The following RHOA variants were observed in gnomAD, a reference collection of about 807,000 sequenced individuals.
The protein encoded by RHOA is transforming protein RhoA.
In RHOA, 3 loss-of-function variants were observed where a neutral mutation model predicts 17.5. The observed-to-expected ratio is 0.17, with a 90% CI of 0.08 to 0.44. The LOEUF (loss-of-function observed/expected upper bound fraction) is 0.44. Among genes scored for constraint, RHOA ranks in the 20% least tolerant of loss-of-function variants. The pLI is 0.99. For missense variants in RHOA, 56 were observed against 242.3 expected (o/e 0.23, Z 5.10); for synonymous variants, 98 against 88.4 (o/e 1.11, Z -0.61).
In RHOA at chr3:49,391,203, G is replaced by A. The variant is rs200552039; in HGVS notation, c.-2-15612C>T. On this transcript the variant is annotated intron_variant, in intron 1 of 4. Coordinates refer to ENST00000418115, the MANE Select transcript of RHOA (RefSeq NM_001664.4). ...ACTGCACTCCAGTCTGGGTGACAGA[G>A]CAACGCCGTCTCAAAAAAAAAAAAA... is the stretch of plus-strand genomic sequence containing the variant. 7.1e-5 allele frequency among the ~76,000 whole-genome samples: 10 copies of A among 141,804 alleles called. No individual in the cohort carries two copies. The East Asian group carries it at 2.0e-3, about 29-fold the overall frequency. 93.0% of individuals were successfully genotyped at this position (141,804 alleles called of 152,430 possible).
At chr3:49,383,002 C>A (rs1189490017) in intron 1 of RHOA, among the ~76,000 whole-genome samples, 1 of 150,312 alleles carries the variant, frequency 6.7e-6, no homozygotes, top group Non-Finnish European at 1.5e-5. Context: ...TGCAGTGAGC[C>A]GAGTTAGCGC....
chr3:49,398,199 A>C (rs1342530785), intron 1 of RHOA, among the ~76,000 whole-genome samples: 2 of 142,254 alleles, frequency 1.4e-5, no homozygotes, highest in Non-Finnish European at 3.1e-5. Context: ...CATCTCTACT[A>C]AAGTAGCCAA....
intron 1 of RHOA, among the ~76,000 whole-genome samples, chr3:49,395,052 A>G (rs1338112557): frequency 6.6e-6 from 1 of 151,516 alleles, no homozygotes; most frequent in Admixed American, 6.6e-5. Context: ...GATCGAGACC[A>G]TCTTGGCTAA....
intron 1 of RHOA, chr3:49,406,754 A>G (rs926407504): frequency 6.6e-6 from 1 of 151,952 alleles, no homozygotes; most frequent in African/African-American, 2.4e-5. Flanking sequence ...CAGGAGGACA[A>G]CTTGAGCCCA....
intron 1 of RHOA, among the ~76,000 whole-genome samples, 186 bp downstream of exon 1, chr3:49,411,634 C>T (rs2048938501): frequency 6.6e-6 from 1 of 151,860 alleles, no homozygotes; most frequent in African/African-American, 2.4e-5. Context: ...ACTGCGCGGG[C>T]GGGGTCGCCG....
Position 49,397,759 on chromosome 3 carries a change from G to C in RHOA, c.-3+14061C>G, listed in dbSNP as rs141729768. Among the ~76,000 whole-genome samples the C allele has an allele frequency of 3.1e-3, 467 of 152,210 alleles. 6 individuals are homozygous for C. The highest frequency in any genetic ancestry group is 0.015 in the East Asian group (78 of 5,180). ...GGGAACGAGATTTCGCTTGCAAGTG[G>C]AAGGGCTGACCTTAGATAGAACAAT... On this transcript the variant is annotated intron_variant, in intron 1 of 4. Coordinates refer to ENST00000418115, the MANE Select transcript of RHOA (RefSeq NM_001664.4).
chr3:49,391,819 TTA>T (rs1341375763), intron 1 of RHOA, among the ~76,000 whole-genome samples: 23 of 139,868 alleles, frequency 1.6e-4, no homozygotes, highest in Admixed American at 1.5e-4. Flanking sequence ...CCTAATTAAT[TTA>T]TCTTTTTTTT....
intron 1 of RHOA, among the ~76,000 whole-genome samples, chr3:49,379,946 T>C (rs2048291048): frequency 6.6e-6 from 1 of 152,232 alleles, no homozygotes; most frequent in Non-Finnish European, 1.5e-5. Context: ...ATTCCTTCCA[T>C]CTGGCAGACA....
At position 49,393,725 on chromosome 3, in the gene RHOA, T is replaced by A. The variant is rs867170573; in HGVS notation, c.-3+18095A>T. Among the ~76,000 whole-genome samples, 832 of 107,006 alleles carry A rather than the reference T, an allele frequency of 7.8e-3. 31 individuals are homozygous for A. Among genetic ancestry groups the A allele is most frequent in the South Asian group, 9.5e-3 (28 of 2,956 alleles). The allele number at this position is 107,006 out of a possible 152,430, so 70.2% of individuals were successfully genotyped here. A position where few individuals can be genotyped will look rare whatever the true frequency, so the allele number is the denominator to read the frequency against. ...GTGTGTGTGTGTGTGTGTGTGTGTG[T>A]GTGTGACAGAATCTCGCTCTGTCGC... On this transcript the variant is annotated intron_variant, in intron 1 of 4. Coordinates refer to ENST00000418115, the MANE Select transcript of RHOA (RefSeq NM_001664.4).
chr3:49,374,313 T>C (rs953078229), intron 2 of RHOA, among the ~76,000 whole-genome samples: 2 of 152,170 alleles, frequency 1.3e-5, no homozygotes, highest in Non-Finnish European at 2.9e-5. Context: ...TACTGGGACA[T>C]CTGATTAAAT....
intron 1 of RHOA, among the ~76,000 whole-genome samples, chr3:49,397,774 G>A (rs1439407663): frequency 5.3e-5 from 8 of 152,092 alleles, no homozygotes. Context: ...GCTGACCTTA[G>A]ATAGAACAAT....
intron 2 of RHOA, among the ~76,000 whole-genome samples, chr3:49,375,228 C>G (rs2048207181): frequency 6.6e-6 from 1 of 151,484 alleles, no homozygotes; most frequent in Non-Finnish European, 1.5e-5. Flanking sequence ...CCACTGCACT[C>G]TAGCCTGGGC....
intron 1 of RHOA, among the ~76,000 whole-genome samples, chr3:49,402,199 G>A (rs1402695061): frequency 6.6e-6 from 1 of 152,026 alleles, no homozygotes; most frequent in Non-Finnish European, 1.5e-5. Context: ...ACCTTCAATG[G>A]ATGCACAGAA....
intron 1 of RHOA, among the ~76,000 whole-genome samples, chr3:49,397,803 T>C (rs2048643236): frequency 6.6e-6 from 1 of 151,954 alleles, no homozygotes; most frequent in Non-Finnish European, 1.5e-5. Context: ...AAGGGACTGA[T>C]CCACAGGAAT....
intron 1 of RHOA, among the ~76,000 whole-genome samples, chr3:49,382,216 G>A (rs1337411290): frequency 6.6e-6 from 1 of 151,908 alleles, no homozygotes; most frequent in South Asian, 2.1e-4. Context: ...CTACTCAGGA[G>A]GCTGAGGCAT....
intron 1 of RHOA, among the ~76,000 whole-genome samples, chr3:49,405,695 T>C (rs564804197): frequency 6.6e-6 from 1 of 152,154 alleles, no homozygotes; most frequent in Non-Finnish European, 1.5e-5. Flanking sequence ...TTCTTTTTTT[T>C]GTGTGTATGT....
At chr3:49,373,362 CA>C (rs1394160621) in intron 2 of RHOA, 1 of 166,200 alleles carries the variant, frequency 6.0e-6, no homozygotes, top group Non-Finnish European at 1.4e-5. Flanking sequence ...CAAACAAAAA[CA>C]AAGTAAGAAA....
In RHOA at chr3:49,408,938, G is replaced by A. The variant is rs964395563; in HGVS notation, c.-3+2882C>T. On this transcript the variant is annotated intron_variant, in intron 1 of 4. Coordinates refer to ENST00000418115, the MANE Select transcript of RHOA (RefSeq NM_001664.4). ...CTCCAGAGCAGCTGGGACTACAGGC[G>A]CCCGCCACCACACCCAGCTAATTTT... Among the ~76,000 whole-genome samples, 56 of 151,938 alleles carry A rather than the reference G, an allele frequency of 3.7e-4. No homozygotes were observed. The Middle Eastern group carries it at 0.01, about 28-fold the overall frequency.
chr3:49,411,782 G>A (rs1217304162), intron 1 of RHOA, 38 bp downstream of exon 1: 1 of 151,872 alleles, frequency 6.6e-6, no homozygotes, highest in African/African-American at 2.4e-5. Context: ...TGGCGGGCCT[G>A]GGGCCCCGCG....
Sources: gnomAD v4.1 joint callset for allele counts (sites outside exome capture counted in the v4.1 genomes callset) on GRCh38, gnomAD v4.1.1 for gene constraint, MANE v1.5 for transcripts, NCBI Gene and HGNC (gene_info 2026-07-23, HGNC 2026-07-21) for gene names.